The following PSD3 variants were observed in gnomAD, a reference collection of about 807,000 sequenced individuals.
PSD3 encodes the protein pleckstrin and Sec7 domain containing 3, also known as PH and SEC7 domain-containing protein 3.
Under a neutral mutation model 105.5 loss-of-function variants are expected in PSD3, and 49 were observed. The observed-to-expected ratio is 0.46, with a 90% CI of 0.37 to 0.59. The LOEUF (loss-of-function observed/expected upper bound fraction) is 0.59, where lower values mean the gene tolerates loss of function less well. Ranked by LOEUF, PSD3 falls within the 20% of genes least tolerant of loss-of-function variation. PSD3 has a pLI of 0.00. For missense variants in PSD3, 1,561 were observed against 1,263.8 expected, an observed-to-expected ratio of 1.24 and a Z score of -3.57; for synonymous variants, 557 against 457.8, an observed-to-expected ratio of 1.22 and a Z score of -2.77.
chr8:18,780,500 A>G (rs1335575986), intron 8 of PSD3, among the ~76,000 whole-genome samples: 7 of 151,946 alleles, frequency 4.6e-5, no homozygotes, highest in African/African-American at 1.7e-4. Flanking sequence ...TTCTCCTCTT[A>G]TCATTGTGGT....
At chr8:18,747,326 A>G (rs970368776) in intron 9 of PSD3, among the ~76,000 whole-genome samples, 7 of 152,234 alleles carry the variant, frequency 4.6e-5, no homozygotes, top group Non-Finnish European at 1.0e-4. Flanking sequence ...TGAGAGCTGG[A>G]AGAAATTACC....
intron 9 of PSD3, among the ~76,000 whole-genome samples, chr8:18,663,020 G>GA (rs1285306718): frequency 6.6e-6 from 1 of 152,086 alleles, no homozygotes; most frequent in African/African-American, 2.4e-5. Context: ...ACAACAGTTT[G>GA]AACCACCATT....
At chr8:18,581,774 G>C (rs1036056179) in intron 12 of PSD3, among the ~76,000 whole-genome samples, 5 of 152,112 alleles carry the variant, frequency 3.3e-5, no homozygotes, top group Non-Finnish European at 7.4e-5. Flanking sequence ...TGTTTTCAGG[G>C]ACCAGACGCT....
At chr8:18,926,235 A>T (rs568490968) in intron 2 of PSD3, among the ~76,000 whole-genome samples, 2 of 152,054 alleles carry the variant, frequency 1.3e-5, no homozygotes, top group Non-Finnish European at 2.9e-5. Flanking sequence ...GACTGTCCAC[A>T]TGGGTGGCTG....
intron 10 of PSD3, among the ~76,000 whole-genome samples, chr8:18,643,784 T>C: frequency 6.6e-6 from 1 of 152,220 alleles, no homozygotes; most frequent in East Asian, 1.9e-4. Context: ...CCAGCAGCTG[T>C]CATGGAATAT....
intron 1 of PSD3, among the ~76,000 whole-genome samples, chr8:18,947,592 G>A (rs532123722): frequency 1.3e-5 from 2 of 152,308 alleles, no homozygotes; most frequent in East Asian, 1.9e-4. Context: ...AGCCGCAGTG[G>A]CACGAGCTGG....
chr8:18,923,989 A>T (rs1821201182), intron 2 of PSD3, among the ~76,000 whole-genome samples: 1 of 152,172 alleles, frequency 6.6e-6, no homozygotes, highest in African/African-American at 2.4e-5. Flanking sequence ...AACAGACAGT[A>T]GAAATATGCT....
chr8:18,871,181 G>A (rs2129457297), intron 3 of PSD3, among the ~76,000 whole-genome samples: 1 of 152,280 alleles, frequency 6.6e-6, no homozygotes, highest in East Asian at 1.9e-4. Context: ...CGGCTGGACT[G>A]AAGGCATTGG....
chr8:18,620,223 TG>T (rs1327835160), intron 11 of PSD3, among the ~76,000 whole-genome samples: 1 of 152,150 alleles, frequency 6.6e-6, no homozygotes, highest in Admixed American at 6.5e-5. Flanking sequence ...GCTGAACCAA[TG>T]GATACCTTTC....
chr8:18,604,748 G>C (rs556902714), intron 11 of PSD3, among the ~76,000 whole-genome samples: 5 of 152,286 alleles, frequency 3.3e-5, no homozygotes, highest in Middle Eastern at 3.4e-3. Context: ...GCCCTGTGAA[G>C]CCTCGGGACA....
intron 9 of PSD3, among the ~76,000 whole-genome samples, chr8:18,734,581 A>T (rs1804007128): frequency 6.6e-6 from 1 of 152,104 alleles, no homozygotes; most frequent in African/African-American, 2.4e-5. Context: ...ACCTGAATTC[A>T]TTTGGAGGCA....
At chr8:18,966,332 G>A (rs1454525798) in intron 1 of PSD3, among the ~76,000 whole-genome samples, 1 of 152,108 alleles carries the variant, frequency 6.6e-6, no homozygotes, top group African/African-American at 2.4e-5. Context: ...CACTTTGGGA[G>A]GCCGAGGCAG....
intron 8 of PSD3, among the ~76,000 whole-genome samples, chr8:18,787,366 T>C (rs999748300): frequency 2.0e-5 from 3 of 152,188 alleles, no homozygotes; most frequent in South Asian, 2.1e-4. Context: ...AAATGGTACC[T>C]TGAAATCAAT....
Position 18,683,983 on chromosome 8 carries a change from C to T in PSD3, c.2173-28298G>A, listed in dbSNP as rs1585610732. The T allele has an allele frequency of 5.4e-6, 4 of 734,904 alleles. No homozygotes were observed. In the East Asian group the frequency reaches 9.8e-5, roughly 18 times the overall value. The allele number at this position is 734,904 out of a possible 1,614,324, so 45.5% of individuals were successfully genotyped here. A position where few individuals can be genotyped will look rare whatever the true frequency, so the allele number is the denominator to read the frequency against. On this transcript the variant is annotated intron_variant, in intron 9 of 15. Coordinates refer to ENST00000327040, the MANE Select transcript of PSD3 (RefSeq NM_015310.4). ...TTTAGAGAAATAAAAAGGCACTTTC[C>T]AACCGTTCCAAGGCTCTCACGCTGG...
At position 18,632,687 on chromosome 8, in the gene PSD3, T is replaced by A; in HGVS notation, c.2336A>T (p.His779Leu). 3.7e-6 allele frequency: 6 copies of A among 1,612,812 alleles called. No individual in the cohort carries two copies. The highest frequency in any genetic ancestry group is 5.1e-6 in the Non-Finnish European group (6 of 1,179,146). The change falls in exon 11 of 16, where the codon CAT becomes CTT. Residue 779 changes from histidine (H) to leucine (L), a missense_variant. Physicochemically the swap from His to Leu is moderately conservative, Grantham distance 99. Coordinates refer to ENST00000327040, the MANE Select transcript of PSD3 (RefSeq NM_015310.4). ...STTNPFLDIP[H>L]DPNAAVYKSG... Reference sequence around the variant, plus strand: ...TTTGTACACAGCAGCATTTGGATCATGAGGAATGTCCAAAAATGGGTTAGT... The same window carrying A: ...TTTGTACACAGCAGCATTTGGATCAAGAGGAATGTCCAAAAATGGGTTAGT...
chr8:18,967,462 A>C (rs1375061728), intron 1 of PSD3, among the ~76,000 whole-genome samples: 2 of 152,100 alleles, frequency 1.3e-5, no homozygotes, highest in East Asian at 1.9e-4. Flanking sequence ...CTATTAAAAA[A>C]TCTTAAGATT....
chr8:18,558,658 T>G (rs1801220420), intron 14 of PSD3, among the ~76,000 whole-genome samples: 1 of 152,022 alleles, frequency 6.6e-6, no homozygotes, highest in Non-Finnish European at 1.5e-5. Context: ...CTGTCTCTAC[T>G]AAAAATACAA....
chr8:18,903,904 C>T (rs1819671891), intron 2 of PSD3, among the ~76,000 whole-genome samples: 1 of 152,120 alleles, frequency 6.6e-6, no homozygotes, highest in Non-Finnish European at 1.5e-5. Context: ...GGAGAAAGGG[C>T]ACCACTTCAG....
rs1455924975 is a variant in PSD3 at position 18,556,100 on chromosome 8, G to A, written c.2928+109C>T. ...CCAGGAGCTCCCAAATTAGAGCCAG[G>A]GGCAAGACACGCCTCTCTCAGTGAC... On this transcript the variant is annotated intron_variant, in intron 15 of 15. Coordinates refer to ENST00000327040, the MANE Select transcript of PSD3 (RefSeq NM_015310.4). The A allele has an allele frequency of 3.0e-6, 4 of 1,326,788 alleles. No homozygotes were observed. In the East Asian group the frequency reaches 7.4e-5, roughly 25 times the overall value. The allele number at this position is 1,326,788 out of a possible 1,614,324, so 82.2% of individuals were successfully genotyped here.
Sources: gnomAD v4.1 joint callset for allele counts (sites outside exome capture counted in the v4.1 genomes callset) on GRCh38, gnomAD v4.1.1 for gene constraint, MANE v1.5 for transcripts, NCBI Gene and HGNC (gene_info 2026-07-23, HGNC 2026-07-21) for gene names.